The following FANCD2 variants were observed in gnomAD, a reference collection of about 807,000 sequenced individuals.
FANCD2 encodes FA complementation group D2.
A neutral mutation model predicts 192.3 loss-of-function variants in FANCD2; 131 were observed. The observed-to-expected ratio is 0.68, with a 90% confidence interval of 0.59 to 0.79. The LOEUF (loss-of-function observed/expected upper bound fraction) is 0.79, where lower values mean the gene tolerates loss of function less well. Ranked by LOEUF, FANCD2 falls within the 30% of genes least tolerant of loss-of-function variation. The pLI is 0.00. For synonymous variants in FANCD2, 524 were observed against 612.5 expected (o/e 0.86, Z 2.13); for missense variants, 1,508 against 1,701.6 (o/e 0.89, Z 2.00).
At chr3:10,100,599 T>G (rs1308507932) in intron 43 of FANCD2, among the ~76,000 whole-genome samples, 5 of 152,170 alleles carry the variant, frequency 3.3e-5, no homozygotes, top group African/African-American at 1.2e-4. Context: ...CTCGAACTCC[T>G]AACCTCAGAT....
chr3:10,089,032 C>G (rs971256427), intron 36 of FANCD2, 82 bp downstream of exon 36: 2 of 1,516,418 alleles, frequency 1.3e-6, no homozygotes, highest in African/African-American at 2.7e-5. Context: ...CCTGTAATCC[C>G]AGCACTTTGG....
chr3:10,052,067 G>T (rs1417751062), intron 17 of FANCD2, among the ~76,000 whole-genome samples: 1 of 152,144 alleles, frequency 6.6e-6, no homozygotes, highest in Non-Finnish European at 1.5e-5. Context: ...TGACTAAGCA[G>T]TAGATGATTA....
Position 10,043,022 on chromosome 3 carries a change from A to C in FANCD2, c.889-28A>C, listed in dbSNP as rs192062008. On this transcript the variant is annotated intron_variant, in intron 11 of 43. Coordinates refer to ENST00000675286, the MANE Select transcript of FANCD2 (RefSeq NM_001018115.3). ...GCCTACCCACTATGAATGAGCAGAA[A>C]ACCATAGCTAATATTTACTTTCTGC... 16 of 1,597,140 alleles carry C rather than the reference A, an allele frequency of 1.0e-5. No individual in the cohort carries two copies. The South Asian group carries it at 1.4e-4, about 14-fold the overall frequency.
intron 11 of FANCD2, among the ~76,000 whole-genome samples, 176 bp from the exon 12 acceptor site, chr3:10,042,874 G>A (rs2086899440): frequency 6.6e-6 from 1 of 152,136 alleles, no homozygotes; most frequent in Non-Finnish European, 1.5e-5. Context: ...GAAATTTTGG[G>A]TATGATGTTC....
chr3:10,098,347 C>T (rs571241821), intron 42 of FANCD2, among the ~76,000 whole-genome samples: 32 of 152,268 alleles, frequency 2.1e-4, no homozygotes, highest in Admixed American at 1.8e-3. Context: ...TGTCCTTTAG[C>T]CTCCGCATGG....
chr3:10,042,923 C>A, intron 11 of FANCD2, 127 bp from the exon 12 acceptor site: 1 of 893,408 alleles, frequency 1.1e-6, no homozygotes. Flanking sequence ...CTCTATTTTT[C>A]AAAATGTCCA....
At position 10,101,219 on chromosome 3, in the gene FANCD2, A is replaced by G; in HGVS notation, c.4313A>G (p.Glu1438Gly). 1 of 1,613,388 alleles carries G rather than the reference A, an allele frequency of 6.2e-7. No individual in the cohort carries two copies. The highest frequency in any genetic ancestry group is 8.5e-7 in the Non-Finnish European group (1 of 1,179,440). The change falls in exon 44 of 44, where the codon GAA (glutamate) becomes GGA (glycine). Residue 1438 changes from glutamate to glycine, a missense_variant. Physicochemically the swap from Glu to Gly is moderately conservative, Grantham distance 98 (BLOSUM62 -2). Transcript: ENST00000675286. ...GAAGAAGACGAAGTAAGTGCTGGAG[A>G]AAAGGAGCAAGATAGTGATGAGAGT... ...DGEEDEVSAG[E>G]KEQDSDESYD...
chr3:10,099,439 A>G (rs1695172365), intron 43 of FANCD2: 2 of 590,968 alleles, frequency 3.4e-6, no homozygotes, highest in Admixed American at 5.0e-5. Context: ...GCTGCACAAC[A>G]TAACAAGACC....
chr3:10,082,800 C>A (rs1464949797), intron 32 of FANCD2, among the ~76,000 whole-genome samples: 1 of 152,154 alleles, frequency 6.6e-6, no homozygotes, highest in Non-Finnish European at 1.5e-5. Context: ...ATTACTTGTT[C>A]ATCAGTCTTT....
At chr3:10,041,450 A>T in intron 9 of FANCD2, 173 bp from the exon 10 acceptor site, 1 of 568,298 alleles carries the variant, frequency 1.8e-6, no homozygotes, top group Non-Finnish European at 3.2e-6. Context: ...ATGAGCATGT[A>T]TTATTTTTTG....
At chr3:10,090,651 G>A (rs974315136) in intron 37 of FANCD2, among the ~76,000 whole-genome samples, 10 of 151,808 alleles carry the variant, frequency 6.6e-5, no homozygotes, top group Non-Finnish European at 1.3e-4. Context: ...GTAGAGACAG[G>A]GTTTCACCAT....
At position 10,094,461 on chromosome 3, in the gene FANCD2, G is replaced by A. The variant is rs1025868718; in HGVS notation, c.3963+98G>A. 1.1e-5 allele frequency: 11 copies of A among 997,062 alleles called. No individual in the cohort carries two copies. The African/African-American group carries it at 1.6e-4, about 14-fold the overall frequency. 61.8% of individuals were successfully genotyped at this position (997,062 alleles called of 1,614,324 possible). A position where few individuals can be genotyped will look rare whatever the true frequency, so the allele number is the denominator to read the frequency against. ...GGGTGGGGCTGGGAGTGTTCTACCTGGGCTCCTCTGGTCCACTTCAGCTGT... is the reference window on the plus strand; with the variant it reads ...GGGTGGGGCTGGGAGTGTTCTACCTAGGCTCCTCTGGTCCACTTCAGCTGT... On this transcript the variant is annotated intron_variant, in intron 40 of 43. Coordinates refer to ENST00000675286, the MANE Select transcript of FANCD2 (RefSeq NM_001018115.3).
intron 18 of FANCD2, among the ~76,000 whole-genome samples, chr3:10,055,017 A>C (rs1158568513): frequency 6.6e-6 from 1 of 152,104 alleles, no homozygotes; most frequent in African/African-American, 2.4e-5. Context: ...TGTTCTGAGA[A>C]TTTACAAATT....
Position 10,062,296 on chromosome 3 carries a change from A to G in FANCD2, c.1827+85A>G, listed in dbSNP as rs1575787822. 4 of 1,102,442 alleles carry G rather than the reference A, an allele frequency of 3.6e-6. No individual in the cohort carries two copies. In the East Asian group the frequency reaches 1.0e-4, roughly 28 times the overall value. The allele number at this position is 1,102,442 out of a possible 1,614,324, so 68.3% of individuals were successfully genotyped here. On this transcript the variant is annotated intron_variant, in intron 20 of 43. Coordinates refer to ENST00000675286, the MANE Select transcript of FANCD2 (RefSeq NM_001018115.3). ...CGCTCTGTCACCCAACCTGCAGTGC[A>G]GTGGCAAGATCTCGGCTCACTGCAA... is the stretch of plus-strand genomic sequence containing the variant.
chr3:10,040,882 CTTT>C, intron 9 of FANCD2: 17 of 167,718 alleles, frequency 1.0e-4, no homozygotes, highest in South Asian at 3.5e-4. Context: ...TTTGTATAGT[CTTT>C]TTTTTTTTTT....
chr3:10,064,886 T>A lies in FANCD2; in HGVS notation c.2168+11T>A, dbSNP rs761374612. The stretch of plus-strand genomic sequence containing the variant: ...GGAATCAGGCCAAAAGTCAGTATAG[T>A]TTTTCTTTTCTAAACCTGTTAGTGT... On this transcript the variant is annotated intron_variant, in intron 23 of 43. Transcript: ENST00000675286. The A allele has an allele frequency of 1.9e-5, 30 of 1,613,372 alleles. No individual in the cohort carries two copies. In the African/African-American group the frequency reaches 4.0e-4, roughly 22 times the overall value.
intron 38 of FANCD2, among the ~76,000 whole-genome samples, chr3:10,092,595 A>G (rs1694706644): frequency 6.6e-6 from 1 of 150,390 alleles, no homozygotes; most frequent in South Asian, 2.1e-4. Flanking sequence ...TCTCCTTTAA[A>G]CACACTGTGC....
intron 11 of FANCD2, 80 bp from the exon 12 acceptor site, chr3:10,042,970 A>G: frequency 8.0e-7 from 1 of 1,245,204 alleles, no homozygotes; most frequent in Non-Finnish European, 1.2e-6. Flanking sequence ...CTTTCAGGAG[A>G]TTGTCATGGT....
At position 10,049,499 on chromosome 3, in the gene FANCD2, T is replaced by C; in HGVS notation, c.1539T>C (p.Phe513=). The C allele has an allele frequency of 3.1e-6, 5 of 1,602,702 alleles. No individual in the cohort carries two copies. Among genetic ancestry groups the C allele is most frequent in the Non-Finnish European group, 3.4e-6 (4 of 1,171,016 alleles). Residue 513 remains phenylalanine, a synonymous_variant, in exon 17 of 44, where the codon TTT becomes TTC. Transcript: ENST00000675286. ...CTGCTATGATGATGAATGCTGTCTT[T>C]GTAAAGGTATCTTATTGGCTTCTTG... is the stretch of plus-strand genomic sequence containing the variant. The part of the protein sequence containing the change: ...NPSAMMMNAV[F]VKGILDYLDN...
Sources: gnomAD v4.1 joint callset for allele counts (sites outside exome capture counted in the v4.1 genomes callset) on GRCh38, gnomAD v4.1.1 for gene constraint, MANE v1.5 for transcripts, NCBI Gene and HGNC (gene_info 2026-07-23, HGNC 2026-07-21) for gene names.